CDK12: variants seen among roughly 807,000 people sequenced by gnomAD.
The protein encoded by CDK12 is cyclin-dependent kinase 12.
Under a neutral mutation model 133.8 loss-of-function variants are expected in CDK12, and 17 were observed. That is an observed-to-expected ratio of 0.13 (90% confidence interval 0.09 to 0.19). The LOEUF (loss-of-function observed/expected upper bound fraction) is 0.19, where lower values mean the gene tolerates loss of function less well. Among genes scored for constraint, CDK12 ranks in the 10% least tolerant of loss-of-function variants. CDK12 has a pLI of 1.00. For missense variants in CDK12, 1,508 were observed against 1,818.7 expected, an observed-to-expected ratio of 0.83 and a Z score of 3.11; for synonymous variants, 694 against 683.6, an observed-to-expected ratio of 1.02 and a Z score of -0.24.
chr17:39,466,963 C>T (rs539481667), intron 1 of CDK12, among the ~76,000 whole-genome samples: 1 of 151,630 alleles, frequency 6.6e-6, no homozygotes, highest in Non-Finnish European at 1.5e-5. Context: ...AAATAAGCAA[C>T]ATTTTATTTT....
At chr17:39,562,769 C>G (rs1358886095) in intron 3 of CDK12, among the ~76,000 whole-genome samples, 1 of 152,080 alleles carries the variant, frequency 6.6e-6, no homozygotes, top group Non-Finnish European at 1.5e-5. Context: ...GCTTCAAAAG[C>G]CCAGCTGGGC....
Position 39,524,831 on chromosome 17 carries a change from G to T in CDK12, c.3253G>T (p.Ala1085Ser). ...STEPVKNSSP[A>S]PPQPAPGKVE... ...TGAGCCTGTGAAGAACAGCAGCCCA[G>T]CACCACCTCAGCCTGCTCCTGGCAA... The change falls in exon 12 of 14, where the codon GCA becomes TCA. Residue 1085 changes from alanine (A) to serine (S), a missense_variant. Physicochemically the swap from Ala to Ser is moderately conservative, Grantham distance 99. This residue lies in a region of CDK12 where 399 missense variants were observed against 469.6 expected (regional missense o/e 0.85). Transcript: ENST00000447079. The T allele has an allele frequency of 2.5e-6, 4 of 1,614,224 alleles. No individual in the cohort carries two copies. Among genetic ancestry groups the T allele is most frequent in the Non-Finnish European group, 3.4e-6 (4 of 1,180,038 alleles).
Position 39,526,302 on chromosome 17 carries a change from A to G in CDK12, c.3746A>G (p.Gln1249Arg). Residue 1249 changes from glutamine to arginine, a missense_variant, in exon 13 of 14, where the codon CAG becomes CGG. By Grantham distance (43) the Gln-to-Arg change is conservative. This residue lies in a region of CDK12 where 399 missense variants were observed against 469.6 expected (regional missense o/e 0.85). Coordinates refer to ENST00000447079, the MANE Select transcript of CDK12 (RefSeq NM_016507.4). ...CCCCGAAGAACTCCCACAATGCCAC[A>G]GGAGGAGGCAGCAGGTAAACAGACC... is the stretch of plus-strand genomic sequence containing the variant. Reference protein sequence around the residue: ...QGPRRTPTMPQEEAAACPPHI... With the variant: ...QGPRRTPTMPREEAAACPPHI... 1.3e-6 allele frequency: 2 copies of G among 1,591,574 alleles called. No homozygotes were observed. Among genetic ancestry groups the G allele is most frequent in the Non-Finnish European group, 1.7e-6 (2 of 1,169,862 alleles).
Position 39,470,965 on chromosome 17 carries a change from GCAGTCGTCATTC to G in CDK12, c.1138_1149del (p.Arg380_Ser383del). On this transcript the variant is annotated inframe_deletion, in exon 2 of 14. Transcript: ENST00000447079. ...AGTAAAAAGAAGAGATCCAGTTCAC[GCAGTCGTCATTC>G]CAGTATCTCACCTGTCAGGCTTCCA... is the stretch of plus-strand genomic sequence containing the variant. 6.2e-7 allele frequency: 1 copy of G among 1,613,972 alleles called. No individual in the cohort carries two copies. Among genetic ancestry groups the G allele is most frequent in the East Asian group, 2.2e-5 (1 of 44,878 alleles).
In CDK12 at chr17:39,530,840, C is replaced by T. The variant is rs142347393; in HGVS notation, c.3997C>T (p.Arg1333Cys). The stretch of plus-strand genomic sequence containing the variant: ...ACCAATGGAGTACTCCACCCGACCC[C>T]GTCCAAACAGGACTTATGGAAACAC... ...LRPMEYSTRP[R>C]PNRTYGNTDG... The change falls in exon 14 of 14, where the codon CGT becomes TGT. Residue 1333 changes from arginine to cysteine, a missense_variant. Physicochemically the swap from Arg to Cys is radical, Grantham distance 180 (BLOSUM62 -3). This residue lies in a region of CDK12 where 399 missense variants were observed against 469.6 expected (regional missense o/e 0.85). Coordinates refer to ENST00000447079, the MANE Select transcript of CDK12 (RefSeq NM_016507.4). 1.7e-4 allele frequency: 273 copies of T among 1,614,224 alleles called. 1 individual carries two copies. The African/African-American group carries it at 2.5e-3, about 15-fold the overall frequency.
At position 39,520,060 on chromosome 17, in the gene CDK12, T is replaced by C; in HGVS notation, c.3068T>C (p.Val1023Ala). 1 of 1,614,054 alleles carries C rather than the reference T, an allele frequency of 6.2e-7. No homozygotes were observed. Among genetic ancestry groups the C allele is most frequent in the East Asian group, 2.2e-5 (1 of 44,872 alleles). The change falls in exon 11 of 14, where the codon GTC becomes GCC. Residue 1023 changes from valine (V) to alanine (A), a missense_variant. By Grantham distance (64) the Val-to-Ala change is moderately conservative (BLOSUM62 0). Coordinates refer to ENST00000447079, the MANE Select transcript of CDK12 (RefSeq NM_016507.4). ...CTACAGAGCGACTTCCTTAAAGATG[T>C]CGAACTCAGCAAAATGGCTCCTCCA... ...QTLQSDFLKD[V>A]ELSKMAPPDL...
At position 39,483,306 on chromosome 17, in the gene CDK12, C is replaced by T. The variant is rs991823929; in HGVS notation, c.1932-7251C>T. ...AAGAGACAAGTTTTCCCTTTGTCGC[C>T]CATGCTGGAGTTCAGTGGCCTGTGC... On this transcript the variant is annotated intron_variant, in intron 2 of 13. Transcript: ENST00000447079. Among the ~76,000 whole-genome samples, 6 of 151,778 alleles carry T rather than the reference C, an allele frequency of 4.0e-5. No homozygotes were observed. The East Asian group carries it at 1.2e-3, about 29-fold the overall frequency.
intron 1 of CDK12, among the ~76,000 whole-genome samples, chr17:39,541,923 T>C (rs1213129757): frequency 6.6e-6 from 1 of 152,188 alleles, no homozygotes; most frequent in Non-Finnish European, 1.5e-5. Context: ...GGAAGGAAAG[T>C]GCCTTGCCCA....
chr17:39,493,674 G>A (rs1364773000), intron 4 of CDK12, among the ~76,000 whole-genome samples: 1 of 151,708 alleles, frequency 6.6e-6, no homozygotes, highest in Admixed American at 6.6e-5. Context: ...TAGATCAAAG[G>A]TTTCCAAAAG....
chr17:39,497,762 TCCA>T (rs2052242303), intron 5 of CDK12, among the ~76,000 whole-genome samples: 5 of 151,896 alleles, frequency 3.3e-5, no homozygotes, highest in Admixed American at 2.0e-4. Flanking sequence ...CACCACCACA[TCCA>T]GCTGATTTTT....
At chr17:39,487,002 C>T (rs145958123) in intron 2 of CDK12, among the ~76,000 whole-genome samples, 8 of 151,472 alleles carry the variant, frequency 5.3e-5, no homozygotes, top group African/African-American at 7.3e-5. Flanking sequence ...AGGGAGACTC[C>T]GTCTCAAAAA....
chr17:39,567,100 A>C (rs367874923), downstream of CDK12: 2 of 152,256 alleles, frequency 1.3e-5, no homozygotes, highest in East Asian at 3.8e-4. Flanking sequence ...TGAACCAGGT[A>C]CAATGGCAGA....
downstream of CDK12, among the ~76,000 whole-genome samples, chr17:39,565,455 C>T (rs566757037): frequency 2.2e-5 from 3 of 134,118 alleles, no homozygotes; most frequent in East Asian, 2.3e-4. Flanking sequence ...TTAAAAAAAA[C>T]GGAGTTTCGC....
chr17:39,512,890 TC>T (rs2053581987), intron 8 of CDK12, among the ~76,000 whole-genome samples: 1 of 152,250 alleles, frequency 6.6e-6, no homozygotes, highest in Admixed American at 6.5e-5. Flanking sequence ...TATTATGAAT[TC>T]TTGGATTTAA....
rs1462649581 is a variant in CDK12, at chr17:39,471,588, C to T, written c.1756C>T (p.Pro586Ser). The change falls in exon 2 of 14, where the codon CCT (proline) becomes TCT (serine). Residue 586 changes from proline to serine, a missense_variant. Physicochemically the swap from Pro to Ser is moderately conservative, Grantham distance 74 (BLOSUM62 -1). Around this residue, in one of 9 missense-constraint regions of CDK12, gnomAD observed 347 missense variants for 330.8 expected, o/e 1.05. Coordinates refer to ENST00000447079, the MANE Select transcript of CDK12 (RefSeq NM_016507.4). ...TGCTTCCAGTACTTCAACTTTGCCC[C>T]CTTCTACTCACTCAAAGACATCTGC... ...VPASSTSTLP[P>S]STHSKTSAVS... is the part of the protein sequence containing the mutation. 1.2e-6 allele frequency: 2 copies of T among 1,614,128 alleles called. No homozygotes were observed. Among genetic ancestry groups the T allele is most frequent in the East Asian group, 4.5e-5 (2 of 44,874 alleles).
downstream of CDK12, among the ~76,000 whole-genome samples, chr17:39,565,502 C>T (rs1424508245): frequency 2.0e-5 from 3 of 151,780 alleles, no homozygotes; most frequent in Non-Finnish European, 2.9e-5. Context: ...GGCATGATCC[C>T]AGCTCACTGC....
chr17:39,490,743 T>C lies in CDK12; in HGVS notation c.2108+10T>C. 6.3e-7 allele frequency: 1 copy of C among 1,583,516 alleles called. No homozygotes were observed. Among genetic ancestry groups the C allele is most frequent in the African/African-American group, 1.3e-5 (1 of 74,216 alleles). ...ATAAAAAGAGACCAAAGTGAGTTTT[T>C]GGAGGAATCTGTCTTTCATGATAGT... is the stretch of plus-strand genomic sequence containing the variant. On this transcript the variant is annotated intron_variant, in intron 3 of 13. Coordinates refer to ENST00000447079, the MANE Select transcript of CDK12 (RefSeq NM_016507.4).
intron 3 of CDK12, among the ~76,000 whole-genome samples, chr17:39,560,982 C>A (rs531081429): frequency 6.6e-6 from 1 of 152,280 alleles, no homozygotes; most frequent in East Asian, 1.9e-4. Context: ...CCGCTGCACT[C>A]CAGCCTGGGC....
In CDK12 at chr17:39,494,518, TG is replaced by T; in HGVS notation, c.2249-4del. On this transcript the variant is annotated splice_region_variant and splice_polypyrimidine_tract_variant and intron_variant, in intron 4 of 13. Transcript: ENST00000447079. ...TGATAATAACAGTTTACATTTGTTTTGGCAGGAGAACTAGTGGCTCTGAAGA... is the reference window on the plus strand; with the variant it reads ...TGATAATAACAGTTTACATTTGTTTTGCAGGAGAACTAGTGGCTCTGAAGA... 6.2e-7 allele frequency: 1 copy of T among 1,613,430 alleles called. No homozygotes were observed. Among genetic ancestry groups the T allele is most frequent in the Non-Finnish European group, 8.5e-7 (1 of 1,179,550 alleles).
Sources: allele counts gnomAD v4.1 joint callset (sites outside exome capture counted in the v4.1 genomes callset), GRCh38; gene constraint gnomAD v4.1.1; regional missense constraint gnomAD v4.1.1; transcripts MANE v1.5; gene names NCBI Gene and HGNC (gene_info 2026-07-23, HGNC 2026-07-21).